BTBD9: variants seen among roughly 807,000 people sequenced by gnomAD.
BTBD9 encodes BTB domain containing 9.
BTBD9 carries 49 observed loss-of-function variants against 64.3 expected under a neutral mutation model. The observed-to-expected ratio is 0.76, with a 90% confidence interval of 0.61 to 0.97. The LOEUF (loss-of-function observed/expected upper bound fraction) is 0.97, where lower values mean the gene tolerates loss of function less well. Among genes scored for constraint, BTBD9 ranks in the 50% least tolerant of loss-of-function variants. BTBD9 has a pLI of 0.00. For synonymous variants in BTBD9, 260 were observed against 274.7 expected (o/e 0.95, Z 0.53); for missense variants, 598 against 762.1 (o/e 0.78, Z 2.53).
intron 6 of BTBD9, among the ~76,000 whole-genome samples, chr6:38,452,947 G>A (rs918543884): frequency 2.0e-5 from 3 of 152,070 alleles, no homozygotes; most frequent in Non-Finnish European, 2.9e-5. Flanking sequence ...GTAAATACTC[G>A]TGTTTTCCTT....
At position 38,384,390 on chromosome 6, in the gene BTBD9, G is replaced by A. The variant is rs558802326; in HGVS notation, c.1155-39297C>T. On this transcript the variant is annotated intron_variant, in intron 6 of 10. Transcript: ENST00000481247. ...AATTCAATAAAATGGTATTAAAAGAGACAAAGATTGCTATCAGATATAAAT... is the reference window on the plus strand; with the variant it reads ...AATTCAATAAAATGGTATTAAAAGAAACAAAGATTGCTATCAGATATAAAT... 6.6e-5 allele frequency among the ~76,000 whole-genome samples: 10 copies of A among 152,274 alleles called. No homozygotes were observed. In the East Asian group the frequency reaches 1.7e-3, roughly 26 times the overall value.
At chr6:38,524,269 T>C (rs1255435774) in intron 6 of BTBD9, among the ~76,000 whole-genome samples, 1 of 152,148 alleles carries the variant, frequency 6.6e-6, no homozygotes, top group Admixed American at 6.5e-5. Context: ...AAAGTGGTTT[T>C]TAGCTGAGTT....
chr6:38,590,774 T>C (rs1323823567), intron 4 of BTBD9, among the ~76,000 whole-genome samples: 1 of 152,220 alleles, frequency 6.6e-6, no homozygotes. Flanking sequence ...TCACAGTTAA[T>C]TGGCAGTATT....
At chr6:38,208,418 T>C (rs1205977276) in intron 9 of BTBD9, among the ~76,000 whole-genome samples, 2 of 152,194 alleles carry the variant, frequency 1.3e-5, no homozygotes, top group African/African-American at 4.8e-5. Flanking sequence ...TATCTAAAGA[T>C]GATCTATGGA....
At chr6:38,217,803 G>A (rs1251769351) in intron 9 of BTBD9, among the ~76,000 whole-genome samples, 1 of 151,366 alleles carries the variant, frequency 6.6e-6, no homozygotes, top group Non-Finnish European at 1.5e-5. Flanking sequence ...TTGAGTCTCT[G>A]CTGTCACACC....
intron 6 of BTBD9, among the ~76,000 whole-genome samples, chr6:38,517,919 G>C (rs569282743): frequency 4.6e-5 from 7 of 152,152 alleles, no homozygotes; most frequent in Non-Finnish European, 1.0e-4. Context: ...CTCAGGCTCT[G>C]TTTTCCAGAG....
intron 6 of BTBD9, among the ~76,000 whole-genome samples, chr6:38,359,744 A>G (rs1431046378): frequency 6.6e-6 from 1 of 152,138 alleles, no homozygotes; most frequent in African/African-American, 2.4e-5. Context: ...CAATTTTTCT[A>G]TTTATGAGCA....
intron 7 of BTBD9, among the ~76,000 whole-genome samples, chr6:38,333,885 T>C (rs1421765775): frequency 6.6e-6 from 1 of 152,092 alleles, no homozygotes; most frequent in Non-Finnish European, 1.5e-5. Context: ...AACTGGGTAA[T>C]AGGTAGAACT....
chr6:38,297,094 G>A (rs1335994501), intron 7 of BTBD9, among the ~76,000 whole-genome samples: 7 of 152,146 alleles, frequency 4.6e-5, no homozygotes, highest in African/African-American at 1.2e-4. Flanking sequence ...GCGGTCAGGC[G>A]CGGTGGCTCA....
At chr6:38,470,682 A>G (rs993405154) in intron 6 of BTBD9, among the ~76,000 whole-genome samples, 1 of 152,254 alleles carries the variant, frequency 6.6e-6, no homozygotes, top group African/African-American at 2.4e-5. Flanking sequence ...CTTCTCAACA[A>G]GAGAAGAGTG....
intron 6 of BTBD9, among the ~76,000 whole-genome samples, chr6:38,352,964 A>C (rs1764580111): frequency 3.3e-5 from 5 of 152,228 alleles, no homozygotes; most frequent in Admixed American, 3.3e-4. Flanking sequence ...AGTTGAAATA[A>C]ACAACAAATT....
chr6:38,342,284 C>A (rs1375126055), intron 7 of BTBD9, among the ~76,000 whole-genome samples: 1 of 151,884 alleles, frequency 6.6e-6, no homozygotes, highest in African/African-American at 2.4e-5. Flanking sequence ...GACTGTAATC[C>A]CAGCAGTTTG....
chr6:38,336,058 T>C (rs1224848594), intron 7 of BTBD9, among the ~76,000 whole-genome samples: 1 of 152,082 alleles, frequency 6.6e-6, no homozygotes, highest in Non-Finnish European at 1.5e-5. Context: ...TCTATAGCAG[T>C]GTGAAAATGG....
intron 8 of BTBD9, among the ~76,000 whole-genome samples, chr6:38,284,110 T>A (rs2127552840): frequency 6.6e-6 from 1 of 152,160 alleles, no homozygotes; most frequent in Admixed American, 6.5e-5. Context: ...GACAACATAA[T>A]GTTAGTTTCA....
intron 6 of BTBD9, among the ~76,000 whole-genome samples, chr6:38,390,804 T>C (rs1017598882): frequency 6.6e-6 from 1 of 152,232 alleles, no homozygotes; most frequent in African/African-American, 2.4e-5. Flanking sequence ...ACTGTACTTT[T>C]TTGCAAAAAT....
chr6:38,221,683 C>T (rs913911504), intron 9 of BTBD9, among the ~76,000 whole-genome samples: 4 of 152,160 alleles, frequency 2.6e-5, no homozygotes, highest in Admixed American at 6.5e-5. Context: ...GAAGAATAAG[C>T]AATGCTGTAA....
chr6:38,527,822 G>A (rs147635903), intron 6 of BTBD9, among the ~76,000 whole-genome samples: 1 of 136,782 alleles, frequency 7.3e-6, no homozygotes, highest in Non-Finnish European at 1.5e-5. Context: ...TTTTAATCAT[G>A]ACAAATCACT....
At chr6:38,367,055 A>T (rs1306036967) in intron 6 of BTBD9, among the ~76,000 whole-genome samples, 1 of 152,128 alleles carries the variant, frequency 6.6e-6, no homozygotes, top group African/African-American at 2.4e-5. Context: ...CCCTATGAAA[A>T]CCCTCGCCCA....
At position 38,634,883 on chromosome 6, in the gene BTBD9, G is replaced by A. The variant is rs1054948305; in HGVS notation, c.-28+4917C>T. Among the ~76,000 whole-genome samples, 51 of 152,170 alleles carry A rather than the reference G, an allele frequency of 3.4e-4. 2 individuals carry two copies. The highest frequency in any genetic ancestry group is 4.4e-5 in the Non-Finnish European group (3 of 68,020). ...CTCTACGAAATTGGAAATCAGACTG[G>A]TAGACCTAGAGAGTCTGGAGGCTGT... On this transcript the variant is annotated intron_variant, in intron 1 of 10. Transcript: ENST00000481247.
Sources: allele counts gnomAD v4.1 joint callset (sites outside exome capture counted in the v4.1 genomes callset), GRCh38; gene constraint gnomAD v4.1.1; transcripts MANE v1.5; gene names NCBI Gene and HGNC (gene_info 2026-07-23, HGNC 2026-07-21).